Variants in INPP4B observed in about 807,000 individuals in gnomAD.
The protein encoded by INPP4B is inositol polyphosphate-4-phosphatase type II B.
A neutral mutation model predicts 122.5 loss-of-function variants in INPP4B; 55 were observed. That is an observed-to-expected ratio of 0.45 (90% CI 0.36 to 0.56). The LOEUF is 0.56. INPP4B is among the 20% of genes least tolerant of loss of function. INPP4B has a pLI of 0.00. For synonymous variants in INPP4B, 403 were observed against 388.7 expected, an observed-to-expected ratio of 1.04 and a Z score of -0.43; for missense variants, 1,000 against 1,097.7, an observed-to-expected ratio of 0.91 and a Z score of 1.26.
chr4:142,112,622 C>T lies in INPP4B; in HGVS notation c.2196G>A (p.Gln732=), dbSNP rs1349185331. ...PARMFESLPL[Q]IKEGQLLHVY... Reference sequence around the variant, plus strand: ...CATGAAGCAACTGTCCTTCTTTAATCTGTAGAGGTAGTGACTCAAACATTC... The same window carrying T: ...CATGAAGCAACTGTCCTTCTTTAATTTGTAGAGGTAGTGACTCAAACATTC... Residue 732 remains glutamine (Q), a synonymous_variant, in exon 22 of 26, where the codon CAG becomes CAA. Coordinates refer to ENST00000262992, the MANE Select transcript of INPP4B (RefSeq NM_001101669.3). 4.0e-5 allele frequency: 65 copies of T among 1,613,252 alleles called. No individual in the cohort carries two copies. Among genetic ancestry groups the T allele is most frequent in the Non-Finnish European group, 5.4e-5 (64 of 1,179,454 alleles).
intron 7 of INPP4B, among the ~76,000 whole-genome samples, chr4:142,320,685 T>A (rs1769663739): frequency 6.6e-6 from 1 of 152,136 alleles, no homozygotes; most frequent in African/African-American, 2.4e-5. Context: ...AATCTACTTA[T>A]CTTTCTTATG....
chr4:142,642,690 G>C (rs1013798286), intron 2 of INPP4B, among the ~76,000 whole-genome samples: 15 of 152,322 alleles, frequency 9.8e-5, no homozygotes, highest in African/African-American at 3.6e-4. Context: ...ATAGTTTGAA[G>C]TCAGGTAGCG....
intron 1 of INPP4B, among the ~76,000 whole-genome samples, chr4:142,730,755 G>C (rs1350182116): frequency 6.6e-6 from 1 of 152,132 alleles, no homozygotes; most frequent in African/African-American, 2.4e-5. Flanking sequence ...ATTTTAACTT[G>C]TGCCTCTCAC....
intron 16 of INPP4B, among the ~76,000 whole-genome samples, chr4:142,167,129 C>A (rs1823168274): frequency 6.6e-6 from 1 of 151,758 alleles, no homozygotes; most frequent in African/African-American, 2.4e-5. Flanking sequence ...ATAGCAAAGA[C>A]ATGGAATCAA....
chr4:142,631,638 A>G (rs1020338535), intron 2 of INPP4B, among the ~76,000 whole-genome samples: 17 of 152,122 alleles, frequency 1.1e-4, no homozygotes, highest in Non-Finnish European at 8.8e-5. Context: ...ATCTAAATAC[A>G]TCATGGTAAG....
intron 7 of INPP4B, among the ~76,000 whole-genome samples, chr4:142,391,333 G>A (rs1433840189): frequency 6.6e-6 from 1 of 152,186 alleles, no homozygotes; most frequent in Non-Finnish European, 1.5e-5. Flanking sequence ...CGAGGCGGGT[G>A]GATCATCTGA....
At chr4:142,107,577 C>G (rs1443268100) in intron 23 of INPP4B, among the ~76,000 whole-genome samples, 2 of 152,090 alleles carry the variant, frequency 1.3e-5, no homozygotes, top group African/African-American at 4.8e-5. Context: ...TTTTTAAAGG[C>G]TTGGGTGCCT....
chr4:142,348,297 T>C (rs1780906735), intron 7 of INPP4B, among the ~76,000 whole-genome samples: 1 of 152,018 alleles, frequency 6.6e-6, no homozygotes, highest in African/African-American at 2.4e-5. Flanking sequence ...TGGCAGGAGA[T>C]AAAAATGCAG....
chr4:142,608,198 A>G (rs1741691127), intron 2 of INPP4B, among the ~76,000 whole-genome samples: 1 of 152,196 alleles, frequency 6.6e-6, no homozygotes, highest in South Asian at 2.1e-4. Context: ...TTTCCTAAAA[A>G]TGAAGGCAGA....
intron 18 of INPP4B, among the ~76,000 whole-genome samples, chr4:142,144,663 A>G (rs546846810): frequency 4.3e-4 from 65 of 152,258 alleles, no homozygotes; most frequent in African/African-American, 1.5e-3. Flanking sequence ...GTGAACATAA[A>G]GAACATTAGC....
At chr4:142,097,653 C>A (rs28714697) in intron 23 of INPP4B, among the ~76,000 whole-genome samples, 51,839 of 151,958 alleles carry the variant, frequency 0.34, 9,011 homozygotes, top group African/African-American at 0.41. Context: ...TATTTACTTT[C>A]TGGCTCTTTA....
At chr4:142,477,419 C>A in intron 2 of INPP4B, among the ~76,000 whole-genome samples, 1 of 150,500 alleles carries the variant, frequency 6.6e-6, no homozygotes, top group East Asian at 2.0e-4. Flanking sequence ...CCAACACTAG[C>A]AAAAGAGAAG....
chr4:142,499,710 G>C (rs544161727), intron 2 of INPP4B, among the ~76,000 whole-genome samples: 1 of 152,244 alleles, frequency 6.6e-6, no homozygotes, highest in East Asian at 1.9e-4. Context: ...ACCCACAGGA[G>C]TCATTATTGC....
intron 2 of INPP4B, among the ~76,000 whole-genome samples, chr4:142,653,534 A>T (rs919409248): frequency 1.4e-4 from 21 of 152,210 alleles, no homozygotes; most frequent in African/African-American, 4.8e-4. Context: ...CAAGAAAAAA[A>T]CAACCCCATC....
At chr4:142,570,324 AC>A (rs1375984647) in intron 2 of INPP4B, among the ~76,000 whole-genome samples, 1 of 151,970 alleles carries the variant, frequency 6.6e-6, no homozygotes, top group Admixed American at 6.6e-5. Context: ...CTCTTATTAC[AC>A]TTGTTCCTAT....
At chr4:142,756,614 T>C (rs772291361) in intron 1 of INPP4B, among the ~76,000 whole-genome samples, 15 of 151,766 alleles carry the variant, frequency 9.9e-5, no homozygotes, top group Non-Finnish European at 2.2e-4. Flanking sequence ...GGAAAGGTGA[T>C]TCAAAGTATT....
intron 1 of INPP4B, among the ~76,000 whole-genome samples, chr4:142,736,977 G>A (rs1018428999): frequency 2.0e-5 from 3 of 152,114 alleles, no homozygotes; most frequent in African/African-American, 7.2e-5. Flanking sequence ...CAAACAAATG[G>A]AAGAACATTC....
At position 142,755,179 on chromosome 4, in the gene INPP4B, G is replaced by T. The variant is rs370498421; in HGVS notation, c.-253-29278C>A. Among the ~76,000 whole-genome samples the T allele has an allele frequency of 2.0e-4, 30 of 152,044 alleles. No individual in the cohort carries two copies. The East Asian group carries it at 4.1e-3, about 21-fold the overall frequency. The stretch of plus-strand genomic sequence containing the variant: ...TTTCTTAAGTTAGCATTGAAATTAA[G>T]TAATAGTTACTGACTTTCATTCACC... On this transcript the variant is annotated intron_variant, in intron 1 of 25. Coordinates refer to ENST00000262992, the MANE Select transcript of INPP4B (RefSeq NM_001101669.3).
intron 2 of INPP4B, among the ~76,000 whole-genome samples, chr4:142,464,878 A>G (rs1316260997): frequency 6.6e-6 from 1 of 152,136 alleles, no homozygotes; most frequent in East Asian, 1.9e-4. Context: ...AATCCACCCA[A>G]ATCTAAGCAT....
Sources: gnomAD v4.1 joint callset for allele counts (sites outside exome capture counted in the v4.1 genomes callset) on GRCh38, gnomAD v4.1.1 for gene constraint, MANE v1.5 for transcripts, NCBI Gene and HGNC (gene_info 2026-07-23, HGNC 2026-07-21) for gene names.